Variants in UBL7 observed in about 807,000 individuals in gnomAD.
The protein encoded by UBL7 is ubiquitin like 7.
In UBL7, 21 loss-of-function variants were observed where a neutral mutation model predicts 41.7. The ratio of observed to expected loss-of-function variants is 0.50; its 90% confidence interval spans 0.36 to 0.73. UBL7 has a LOEUF of 0.73. UBL7 is among the 30% of genes least tolerant of loss of function. The pLI is 0.00. For synonymous variants in UBL7, 157 were observed against 186.9 expected, an observed-to-expected ratio of 0.84 and a Z score of 1.31; for missense variants, 403 against 478.4, an observed-to-expected ratio of 0.84 and a Z score of 1.47.
At chr15:74,460,601 T>C in intron 1 of UBL7, 1 of 995,436 alleles carries the variant, frequency 1.0e-6, no homozygotes, top group Non-Finnish European at 1.3e-6. Flanking sequence ...TGCCCCCTCC[T>C]CCACCCCAAT....
chr15:74,455,232 T>C (rs2061283481), intron 3 of UBL7, among the ~76,000 whole-genome samples: 2 of 152,228 alleles, frequency 1.3e-5, no homozygotes, highest in South Asian at 4.1e-4. Context: ...ACAGCAATCA[T>C]GAACATTATA....
Position 74,456,257 on chromosome 15 carries a change from T to C in UBL7, c.304+295A>G, listed in dbSNP as rs572000258. Among the ~76,000 whole-genome samples the C allele has an allele frequency of 2.5e-4, 38 of 152,146 alleles. 1 individual carries two copies. In the South Asian group the frequency reaches 7.3e-3, roughly 29 times the overall value. The stretch of plus-strand genomic sequence containing the variant: ...AGGTTGCAGTGATCCAAGATCAAGA[T>C]TGTGCCACTGCACTCCAGCCTGGGC... On this transcript the variant is annotated intron_variant, in intron 3 of 10. Coordinates refer to ENST00000395081, the MANE Select transcript of UBL7 (RefSeq NM_032907.5).
Position 74,451,430 on chromosome 15 carries a change from A to C in UBL7, c.472+6T>G, listed in dbSNP as rs776004634. ...CCTATTTCCTCAAATTCAGTCCTGC[A>C]CTTACCAAGAGCAATAGGGTCACTG... On this transcript the variant is annotated splice_donor_region_variant and intron_variant, in intron 5 of 10. Coordinates refer to ENST00000395081, the MANE Select transcript of UBL7 (RefSeq NM_032907.5). 1.2e-6 allele frequency: 2 copies of C among 1,613,244 alleles called. No homozygotes were observed. Among genetic ancestry groups the C allele is most frequent in the Admixed American group, 3.3e-5 (2 of 59,994 alleles).
rs1169635457 is a variant in UBL7 at position 74,446,971 on chromosome 15, A to C, written c.1006-744T>G. Among the ~76,000 whole-genome samples, 1 of 152,244 alleles carries C rather than the reference A, an allele frequency of 6.6e-6. No homozygotes were observed. Among genetic ancestry groups the C allele is most frequent in the Non-Finnish European group, 1.5e-5 (1 of 68,044 alleles). On this transcript the variant is annotated intron_variant, in intron 10 of 10. Transcript: ENST00000395081. This position sits in a 1 kb window ranked among gnomAD's most constrained non-coding sequence, Gnocchi z 4.1. ...AGGCAATGCAAAGGGGAAGAAAAGCAAAGTCAAAGAGGCAGGCAGTGATGA... is the reference window on the plus strand; with the variant it reads ...AGGCAATGCAAAGGGGAAGAAAAGCCAAGTCAAAGAGGCAGGCAGTGATGA...
At chr15:74,452,016 C>T (rs996718795) in intron 4 of UBL7, among the ~76,000 whole-genome samples, 6 of 152,130 alleles carry the variant, frequency 3.9e-5, no homozygotes, top group African/African-American at 1.4e-4. Context: ...CAGCCAAAGT[C>T]GAAGAATGAG....
chr15:74,458,004 C>G (rs2061310476), intron 2 of UBL7, among the ~76,000 whole-genome samples: 2 of 152,126 alleles, frequency 1.3e-5, no homozygotes, highest in Non-Finnish European at 2.9e-5. Flanking sequence ...TACTGCCTTT[C>G]CTTTACTCAG....
chr15:74,449,406 A>G, intron 8 of UBL7, 53 bp from the exon 9 acceptor site: 1 of 1,600,248 alleles, frequency 6.2e-7, no homozygotes, highest in South Asian at 1.1e-5. Flanking sequence ...AAACTCCCAG[A>G]TGAACTCCAC....
chr15:74,451,052 C>T (rs1216322314), intron 5 of UBL7, among the ~76,000 whole-genome samples, 193 bp from the exon 6 acceptor site: 1 of 152,194 alleles, frequency 6.6e-6, no homozygotes, highest in Non-Finnish European at 1.5e-5. Context: ...TGAGGATGGT[C>T]CCCTGCTCTC....
At chr15:74,459,875 G>C (rs1291790246) in intron 1 of UBL7, among the ~76,000 whole-genome samples, 2 of 135,566 alleles carry the variant, frequency 1.5e-5, no homozygotes, top group African/African-American at 5.7e-5. Flanking sequence ...TGAGGTTGCA[G>C]TGAGCCAAGA....
chr15:74,456,241 T>C (rs1486811724), intron 3 of UBL7, among the ~76,000 whole-genome samples: 1 of 152,054 alleles, frequency 6.6e-6, no homozygotes, highest in Non-Finnish European at 1.5e-5. Flanking sequence ...GAGGTTGCAG[T>C]GATCCAAGAT....
chr15:74,459,019 C>G, intron 1 of UBL7, 123 bp from the exon 2 acceptor site: 1 of 867,602 alleles, frequency 1.2e-6, no homozygotes, highest in Non-Finnish European at 1.7e-6. Flanking sequence ...TAGGGCGTAC[C>G]ATCAGGAGGC....
chr15:74,453,655 C>G (rs140389938), intron 3 of UBL7, among the ~76,000 whole-genome samples: 2 of 152,328 alleles, frequency 1.3e-5, no homozygotes, highest in Admixed American at 1.3e-4. Flanking sequence ...CATTCCAGCT[C>G]AAACAGCAGG....
chr15:74,457,846 T>C (rs925032980), intron 2 of UBL7, among the ~76,000 whole-genome samples: 1 of 150,296 alleles, frequency 6.7e-6, no homozygotes, highest in African/African-American at 2.5e-5. Context: ...AACAACAAAA[T>C]AGGATGAACC....
chr15:74,447,562 C>A (rs985911844), intron 10 of UBL7, among the ~76,000 whole-genome samples: 2 of 152,074 alleles, frequency 1.3e-5, no homozygotes, highest in Non-Finnish European at 2.9e-5. Context: ...AAAAAATTAG[C>A]CAGGCATGGT....
rs535748987 is a variant in UBL7 at position 74,447,434 on chromosome 15, G to T, written c.1005+1044C>A. ...AAGCCTCCCATGGGCCAGGTGTGGTGGCTCACACCTGTAATCCCAGAACTC... is the reference window on the plus strand; with the variant it reads ...AAGCCTCCCATGGGCCAGGTGTGGTTGCTCACACCTGTAATCCCAGAACTC... On this transcript the variant is annotated intron_variant, in intron 10 of 10. Coordinates refer to ENST00000395081, the MANE Select transcript of UBL7 (RefSeq NM_032907.5). 3.7e-4 allele frequency among the ~76,000 whole-genome samples: 57 copies of T among 152,258 alleles called. 1 individual carries two copies. Among genetic ancestry groups the T allele is most frequent in the African/African-American group, 1.3e-3 (55 of 41,548 alleles).
rs746828794 is a variant in UBL7, at chr15:74,458,676, A to G, written c.184+8T>C. ...GCAGCAGCCCAACCCCAGTCCAGAG[A>G]GACTCACCAATCAGCTCAGGGTCTG... On this transcript the variant is annotated splice_region_variant and intron_variant, in intron 2 of 10. Transcript: ENST00000395081. The G allele has an allele frequency of 2.5e-6, 4 of 1,608,380 alleles. No homozygotes were observed. Among genetic ancestry groups the G allele is most frequent in the Non-Finnish European group, 3.4e-6 (4 of 1,175,326 alleles).
At chr15:74,447,863 C>T (rs2141309244) in intron 10 of UBL7, among the ~76,000 whole-genome samples, 1 of 152,328 alleles carries the variant, frequency 6.6e-6, no homozygotes, top group South Asian at 2.1e-4. Flanking sequence ...CTGGACACTG[C>T]ATCCTAGCCT....
intron 1 of UBL7, chr15:74,459,209 T>A (rs574935508): frequency 4.4e-4 from 106 of 242,210 alleles, no homozygotes; most frequent in African/African-American, 2.2e-3. Flanking sequence ...TCTTCAACTG[T>A]TGCTTGAACC....
intron 10 of UBL7, among the ~76,000 whole-genome samples, chr15:74,447,704 CTCAA>C (rs372333367): frequency 8.5e-5 from 13 of 152,108 alleles, no homozygotes; most frequent in African/African-American, 1.4e-4. Context: ...GACACCCTGT[CTCAA>C]TCAATCAATC....
Sources: gnomAD v4.1 joint callset for allele counts (sites outside exome capture counted in the v4.1 genomes callset) on GRCh38, gnomAD v4.1.1 for gene constraint, Gnocchi (gnomAD v3.1) non-coding constraint, MANE v1.5 for transcripts, NCBI Gene and HGNC (gene_info 2026-07-23, HGNC 2026-07-21) for gene names.